NR2F1-AS1: variants seen among roughly 807,000 people sequenced by gnomAD.
NR2F1-AS1 encodes NR2F1 regulatory antisense RNA 1.
chr5:93,458,561 A>G (rs1295713800), intron 4 of NR2F1-AS1, among the ~76,000 whole-genome samples: 1 of 152,212 alleles, frequency 6.6e-6, no homozygotes, highest in Non-Finnish European at 1.5e-5. Flanking sequence ...AAGAGTAGAA[A>G]GTATAAAACT....
intron 4 of NR2F1-AS1, among the ~76,000 whole-genome samples, chr5:93,523,454 C>A (rs919355583): frequency 3.9e-5 from 6 of 152,218 alleles, no homozygotes; most frequent in African/African-American, 1.4e-4. Context: ...TGCCTGCCGG[C>A]TCTGAAGAGA....
chr5:93,500,271 G>A (rs1250474043), intron 4 of NR2F1-AS1, among the ~76,000 whole-genome samples: 2 of 152,144 alleles, frequency 1.3e-5, no homozygotes, highest in Non-Finnish European at 2.9e-5. Context: ...TCTTGCTAGG[G>A]GCTAATGCAG....
chr5:93,454,160 A>G (rs1749897493), intron 4 of NR2F1-AS1, among the ~76,000 whole-genome samples: 1 of 152,140 alleles, frequency 6.6e-6, no homozygotes, highest in South Asian at 2.1e-4. Context: ...ATGTGACTGT[A>G]GTCCCAGCTA....
chr5:93,562,576 G>A (rs1311465351), intron 2 of NR2F1-AS1, among the ~76,000 whole-genome samples: 1 of 152,148 alleles, frequency 6.6e-6, no homozygotes, highest in South Asian at 2.1e-4. Flanking sequence ...TTACAGGCGT[G>A]AGCCACCATA....
At chr5:93,545,787 T>G (rs1463085252) in intron 4 of NR2F1-AS1, among the ~76,000 whole-genome samples, 4 of 152,246 alleles carry the variant, frequency 2.6e-5, no homozygotes, top group African/African-American at 9.6e-5. Flanking sequence ...GTTAAACATT[T>G]CATTCTACCC....
At chr5:93,507,330 TTTTTGTTTTGTTTTG>T (rs140764241) in intron 4 of NR2F1-AS1, among the ~76,000 whole-genome samples, 214 of 149,996 alleles carry the variant, frequency 1.4e-3, no homozygotes, top group East Asian at 2.6e-3. Flanking sequence ...TTTGGGGTTT[TTTTTGTTTTGTTTTG>T]TTTTGTTTTG....
At chr5:93,581,720 CTCTCTCT>C (rs1753050218), upstream of NR2F1-AS1, among the ~76,000 whole-genome samples, 2 of 69,466 alleles carry the variant, frequency 2.9e-5, no homozygotes, top group African/African-American at 1.6e-4. Context: ...CTCTCTCTCT[CTCTCTCT>C]CTCTCTCCCC....
intron 4 of NR2F1-AS1, among the ~76,000 whole-genome samples, chr5:93,509,777 T>C (rs1253290069): frequency 1.3e-5 from 2 of 152,064 alleles, no homozygotes; most frequent in East Asian, 3.8e-4. Context: ...TTTTAATATT[T>C]CCTATTTTAA....
At chr5:93,437,411 T>G (rs1251150517) in intron 4 of NR2F1-AS1, among the ~76,000 whole-genome samples, 5 of 152,208 alleles carry the variant, frequency 3.3e-5, no homozygotes, top group African/African-American at 4.8e-5. Flanking sequence ...TTGCTTCCTT[T>G]TAGGTTTTTT....
intron 4 of NR2F1-AS1, among the ~76,000 whole-genome samples, chr5:93,414,882 A>G (rs191330031): frequency 6.6e-6 from 1 of 152,318 alleles, no homozygotes; most frequent in South Asian, 2.1e-4. Flanking sequence ...GCAACATGCT[A>G]CTGTGTAAGG....
chr5:93,427,262 C>A (rs976186932), intron 4 of NR2F1-AS1, among the ~76,000 whole-genome samples: 3 of 152,062 alleles, frequency 2.0e-5, no homozygotes, highest in African/African-American at 7.2e-5. Flanking sequence ...CCATTGAAAT[C>A]AAAATAAAAT....
intron 4 of NR2F1-AS1, among the ~76,000 whole-genome samples, chr5:93,446,540 A>G (rs1749712055): frequency 6.6e-6 from 1 of 152,212 alleles, no homozygotes; most frequent in African/African-American, 2.4e-5. Flanking sequence ...CCACTATTCA[A>G]TGAAATAAAA....
At chr5:93,475,811 C>A (rs1447525446) in intron 4 of NR2F1-AS1, among the ~76,000 whole-genome samples, 1 of 152,068 alleles carries the variant, frequency 6.6e-6, no homozygotes, top group Non-Finnish European at 1.5e-5. Flanking sequence ...CAGCCTTGAC[C>A]CCCCACGTTC....
intron 4 of NR2F1-AS1, among the ~76,000 whole-genome samples, chr5:93,545,371 T>C (rs566086626): frequency 6.6e-6 from 1 of 152,298 alleles, no homozygotes; most frequent in East Asian, 1.9e-4. Context: ...CCCATCACCC[T>C]ACAAAGTGGC....
At chr5:93,468,580 C>G (rs1750294806) in intron 4 of NR2F1-AS1, among the ~76,000 whole-genome samples, 2 of 151,944 alleles carry the variant, frequency 1.3e-5, no homozygotes, top group Admixed American at 1.3e-4. Context: ...CAAAAATTTT[C>G]TACCATTCTG....
intron 1 of NR2F1-AS1, among the ~76,000 whole-genome samples, chr5:93,573,476 A>C (rs1377807018): frequency 1.3e-5 from 2 of 152,124 alleles, no homozygotes; most frequent in Non-Finnish European, 2.9e-5. Context: ...CACGACTATC[A>C]CACGCAACTG....
chr5:93,562,195 A>AAAAAAAAAAAAAAG (rs755007063), intron 2 of NR2F1-AS1, among the ~76,000 whole-genome samples: 1 of 136,664 alleles, frequency 7.3e-6, no homozygotes, highest in African/African-American at 3.0e-5. Context: ...AAAAAAAAAA[A>AAAAAAAAAAAAAAG]AAAAGAAAAG....
intron 4 of NR2F1-AS1, among the ~76,000 whole-genome samples, chr5:93,442,663 G>T (rs116357614): frequency 6.6e-6 from 1 of 152,284 alleles, no homozygotes; most frequent in Non-Finnish European, 1.5e-5. Flanking sequence ...ACACTTAAAC[G>T]TCCCTGTCTG....
chr5:93,446,317 A>C (rs1016421539), intron 4 of NR2F1-AS1, among the ~76,000 whole-genome samples: 1 of 152,216 alleles, frequency 6.6e-6, no homozygotes, highest in Non-Finnish European at 1.5e-5. Flanking sequence ...GTCTCAGCCC[A>C]AAATCTCCTT....
Sources: allele counts gnomAD v4.1 joint callset (sites outside exome capture counted in the v4.1 genomes callset), GRCh38; gene constraint gnomAD v4.1.1; transcripts MANE v1.5; gene names NCBI Gene and HGNC (gene_info 2026-07-23, HGNC 2026-07-21).